The following ZNF292 variants were observed in gnomAD, a reference collection of about 807,000 sequenced individuals.
The protein encoded by ZNF292 is 16 zinc-finger domain protein.
In ZNF292, 26 loss-of-function variants were observed where a neutral mutation model predicts 217.9. The ratio of observed to expected loss-of-function variants is 0.12; its 90% CI spans 0.09 to 0.17. The LOEUF (loss-of-function observed/expected upper bound fraction) is 0.17, where lower values mean the gene tolerates loss of function less well. Among genes scored for constraint, ZNF292 ranks in the 10% least tolerant of loss-of-function variants. The pLI, the probability that ZNF292 is intolerant of heterozygous loss-of-function variation, is 1.00. For missense variants in ZNF292, 2,904 were observed against 3,175.2 expected (o/e 0.91, Z 2.05); for synonymous variants, 1,257 against 1,124.1 (o/e 1.12, Z -2.37).
At position 87,258,024 on chromosome 6, in the gene ZNF292, T is replaced by G. The variant is rs780448934; in HGVS notation, c.4395T>G (p.Phe1465Leu). 6.2e-7 allele frequency: 1 copy of G among 1,613,754 alleles called. No individual in the cohort carries two copies. Among genetic ancestry groups the G allele is most frequent in the African/African-American group, 1.3e-5 (1 of 74,924 alleles). ...TTGCTGAAAATCGCTCGCCAGCATT[T>G]TTACCAAATACATTTCCTCGATCTG... Reference protein sequence around the residue: ...QLLAENRSPAFLPNTFPRSGV... With the variant: ...QLLAENRSPALLPNTFPRSGV... The change falls in exon 8 of 8, where the codon TTT becomes TTG. Residue 1465 changes from phenylalanine (F) to leucine (L), a missense_variant. Phe to Leu is a conservative substitution (Grantham distance 22, BLOSUM62 0). Transcript: ENST00000369577.
At chr6:87,250,846 C>G (rs569252481) in intron 7 of ZNF292, among the ~76,000 whole-genome samples, 1 of 152,166 alleles carries the variant, frequency 6.6e-6, no homozygotes, top group Non-Finnish European at 1.5e-5. Context: ...AAAAATACAT[C>G]CCTGCCTTTA....
chr6:87,183,495 T>C (rs1771533738), intron 1 of ZNF292, among the ~76,000 whole-genome samples: 1 of 152,120 alleles, frequency 6.6e-6, no homozygotes, highest in African/African-American at 2.4e-5. Flanking sequence ...TCCCAAATGT[T>C]GAAATCCTCA....
At position 87,258,673 on chromosome 6, in the gene ZNF292, T is replaced by A; in HGVS notation, c.5044T>A (p.Leu1682Met). ...NVIPTCEPQSLVENLTQKLNN... is the reference protein window; with the variant it reads ...NVIPTCEPQSMVENLTQKLNN... ...AATTCCAACTTGTGAACCTCAGAGT[T>A]TGGTGGAAAATCTAACACAGAAATT... is the stretch of plus-strand genomic sequence containing the variant. Residue 1682 changes from leucine (L) to methionine (M), a missense_variant, in exon 8 of 8, where the codon TTG (leucine) becomes ATG (methionine). Coordinates refer to ENST00000369577, the MANE Select transcript of ZNF292 (RefSeq NM_015021.3). The A allele has an allele frequency of 6.2e-7, 1 of 1,613,538 alleles. No individual in the cohort carries two copies. Among genetic ancestry groups the A allele is most frequent in the Non-Finnish European group, 8.5e-7 (1 of 1,179,702 alleles).
chr6:87,196,038 A>C (rs565142452), intron 1 of ZNF292, among the ~76,000 whole-genome samples: 1 of 152,054 alleles, frequency 6.6e-6, no homozygotes, highest in South Asian at 2.1e-4. Context: ...AAAAAAAAAA[A>C]AACAAAAAGA....
At chr6:87,238,656 A>AT (rs1416508586) in intron 5 of ZNF292, among the ~76,000 whole-genome samples, 43 of 130,848 alleles carry the variant, frequency 3.3e-4, no homozygotes, top group Non-Finnish European at 1.0e-4. Context: ...TTATTTTTTT[A>AT]TTTTTTTATT....
intron 5 of ZNF292, among the ~76,000 whole-genome samples, chr6:87,240,897 A>G (rs1442284917): frequency 6.6e-6 from 1 of 152,236 alleles, no homozygotes; most frequent in African/African-American, 2.4e-5. Context: ...ATCACAGACT[A>G]TGAAGCTAAA....
intron 1 of ZNF292, among the ~76,000 whole-genome samples, chr6:87,166,859 A>G (rs1224522768): frequency 2.0e-5 from 3 of 152,178 alleles, no homozygotes; most frequent in South Asian, 4.1e-4. Context: ...GCTTTGATGT[A>G]GTAAGTTCTC....
intron 7 of ZNF292, among the ~76,000 whole-genome samples, chr6:87,247,609 C>G (rs1010069542): frequency 3.9e-5 from 6 of 152,120 alleles, no homozygotes; most frequent in African/African-American, 7.2e-5. Flanking sequence ...AAATGCAGAA[C>G]TGCTTTAGGA....
In ZNF292 at chr6:87,255,814, C is replaced by T. The variant is rs1775180883; in HGVS notation, c.2185C>T (p.Arg729Trp). The T allele has an allele frequency of 6.2e-7, 1 of 1,613,724 alleles. No individual in the cohort carries two copies. Among genetic ancestry groups the T allele is most frequent in the Non-Finnish European group, 8.5e-7 (1 of 1,179,826 alleles). The change falls in exon 8 of 8, where the codon CGG becomes TGG. Residue 729 changes from arginine to tryptophan, a missense_variant. Coordinates refer to ENST00000369577, the MANE Select transcript of ZNF292 (RefSeq NM_015021.3). ...SKKVICQYCR[R>W]HFVSVTHLND... ...AAAAGTTATTTGCCAGTACTGTAGG[C>T]GGCATTTTGTGAGTGTTACTCATCT...
intron 1 of ZNF292, among the ~76,000 whole-genome samples, chr6:87,167,646 TAAAAACA>T (rs746071342): frequency 2.0e-5 from 3 of 152,162 alleles, no homozygotes; most frequent in Non-Finnish European, 2.9e-5. Context: ...AACGCTGTCT[TAAAAACA>T]AAAAACAAAA....
At chr6:87,211,373 T>A (rs1462088218) in intron 1 of ZNF292, among the ~76,000 whole-genome samples, 1 of 152,180 alleles carries the variant, frequency 6.6e-6, no homozygotes, top group Non-Finnish European at 1.5e-5. Flanking sequence ...TGAATTTGGC[T>A]AATTTAATCT....
chr6:87,155,888 G>A (rs777253233), intron 1 of ZNF292, 129 bp downstream of exon 1: 69 of 1,195,624 alleles, frequency 5.8e-5, no homozygotes, highest in Non-Finnish European at 7.4e-5. Context: ...GGGTGGGAGC[G>A]GGAGTAGAAG....
intron 5 of ZNF292, among the ~76,000 whole-genome samples, chr6:87,241,579 C>T (rs1028464058): frequency 3.9e-5 from 6 of 152,084 alleles, no homozygotes; most frequent in African/African-American, 1.4e-4. Context: ...TCACCATGTC[C>T]AGCTAGTTTT....
At chr6:87,241,240 C>T (rs1032626818) in intron 5 of ZNF292, among the ~76,000 whole-genome samples, 6 of 152,074 alleles carry the variant, frequency 3.9e-5, no homozygotes, top group Admixed American at 6.5e-5. Context: ...GCTGAGATGG[C>T]ACCACTGTGC....
At chr6:87,176,497 T>C (rs930108142) in intron 1 of ZNF292, among the ~76,000 whole-genome samples, 6 of 152,192 alleles carry the variant, frequency 3.9e-5, no homozygotes, top group African/African-American at 7.2e-5. Flanking sequence ...GAAAATTGTT[T>C]TATGGCCTGT....
At chr6:87,171,788 A>G (rs1278695875) in intron 1 of ZNF292, among the ~76,000 whole-genome samples, 2 of 152,186 alleles carry the variant, frequency 1.3e-5, no homozygotes, top group African/African-American at 4.8e-5. Context: ...GTAATGAAAT[A>G]TACTGGTTTG....
chr6:87,221,158 G>C (rs1421011384), intron 4 of ZNF292, among the ~76,000 whole-genome samples: 1 of 152,020 alleles, frequency 6.6e-6, no homozygotes, highest in Non-Finnish European at 1.5e-5. Context: ...TCTTTGATTT[G>C]GGAGAGTAAG....
At chr6:87,201,944 A>G (rs56034755) in intron 1 of ZNF292, among the ~76,000 whole-genome samples, 1 of 152,130 alleles carries the variant, frequency 6.6e-6, no homozygotes, top group Non-Finnish European at 1.5e-5. Context: ...ATCTATGTCT[A>G]TAACAAAATC....
In ZNF292 at chr6:87,159,510, TTTTTTTA is replaced by T. The variant is rs1257504530; in HGVS notation, c.168+3752_168+3758del. Among the ~76,000 whole-genome samples the T allele has an allele frequency of 3.5e-5, 5 of 144,444 alleles. No homozygotes were observed. In the South Asian group the frequency reaches 6.6e-4, roughly 19 times the overall value. The allele number at this position is 144,444 out of a possible 152,430, so 94.8% of individuals were successfully genotyped here. On this transcript the variant is annotated intron_variant, in intron 1 of 7. Coordinates refer to ENST00000369577, the MANE Select transcript of ZNF292 (RefSeq NM_015021.3). ...TCTTTTCTTTCTTTTTTTTTTTTTT[TTTTTTTA>T]AAAAAGATGTAGTTTAACTCTGTCA...
Sources: gnomAD v4.1 joint callset for allele counts (sites outside exome capture counted in the v4.1 genomes callset) on GRCh38, gnomAD v4.1.1 for gene constraint, MANE v1.5 for transcripts, NCBI Gene and HGNC (gene_info 2026-07-23, HGNC 2026-07-21) for gene names.